The following CNTN3 variants were observed in gnomAD, a reference collection of about 807,000 sequenced individuals.
CNTN3 encodes the protein contactin 3, also known as contactin-3.
Under a neutral mutation model 119.1 loss-of-function variants are expected in CNTN3, and 60 were observed. The ratio of observed to expected loss-of-function variants is 0.50; its 90% confidence interval spans 0.41 to 0.62. CNTN3 has a LOEUF of 0.62. Ranked by LOEUF, CNTN3 falls within the 20% of genes least tolerant of loss-of-function variation. CNTN3 has a pLI of 0.00. For synonymous variants in CNTN3, 450 were observed against 438.7 expected, an observed-to-expected ratio of 1.03 and a Z score of -0.32; for missense variants, 1,101 against 1,242.4, an observed-to-expected ratio of 0.89 and a Z score of 1.71.
chr3:74,560,703 T>G (rs1704139439), intron 1 of CNTN3, among the ~76,000 whole-genome samples: 1 of 152,094 alleles, frequency 6.6e-6, no homozygotes, highest in Admixed American at 6.6e-5. Flanking sequence ...TAAATCATAC[T>G]GCTATAAAGA....
chr3:74,417,934 A>C (rs75907125), intron 5 of CNTN3, among the ~76,000 whole-genome samples: 2,019 of 152,284 alleles, frequency 0.013, 36 homozygotes, highest in African/African-American at 0.046. Flanking sequence ...TTGCCATGAC[A>C]TTCTAACCTA....
chr3:74,446,135 T>C (rs945667466), intron 4 of CNTN3, among the ~76,000 whole-genome samples: 1 of 152,196 alleles, frequency 6.6e-6, no homozygotes, highest in African/African-American at 2.4e-5. Context: ...TGATGCTTAA[T>C]AGTTGTGTAA....
At chr3:74,266,366 T>C in intron 22 of CNTN3, 115 bp downstream of exon 22, 13 of 1,108,214 alleles carry the variant, frequency 1.2e-5, no homozygotes, top group Non-Finnish European at 1.4e-5. Flanking sequence ...CTTACCGGCA[T>C]TTGGATGTAA....
At chr3:74,265,601 A>T (rs1701648448) in intron 22 of CNTN3, among the ~76,000 whole-genome samples, 1 of 152,242 alleles carries the variant, frequency 6.6e-6, no homozygotes, top group East Asian at 1.9e-4. Flanking sequence ...TGTTTGTTTT[A>T]GTCTAAGTAT....
At chr3:74,555,398 G>A (rs914780731) in intron 1 of CNTN3, among the ~76,000 whole-genome samples, 1 of 152,084 alleles carries the variant, frequency 6.6e-6, no homozygotes, top group Non-Finnish European at 1.5e-5. Flanking sequence ...TATCTGTCAG[G>A]CTTTGGTATC....
intron 4 of CNTN3, among the ~76,000 whole-genome samples, chr3:74,467,014 CCA>C (rs1702473890): frequency 6.6e-6 from 1 of 151,970 alleles, no homozygotes; most frequent in Admixed American, 6.6e-5. Flanking sequence ...ATGATATATT[CCA>C]TTTTTTAAAA....
At chr3:74,539,182 G>GA (rs1703806191) in intron 1 of CNTN3, among the ~76,000 whole-genome samples, 1 of 152,188 alleles carries the variant, frequency 6.6e-6, no homozygotes, top group East Asian at 1.9e-4. Flanking sequence ...TGAAGACACT[G>GA]AGATCCAACA....
At chr3:74,401,386 T>C (rs909080550) in intron 5 of CNTN3, among the ~76,000 whole-genome samples, 8 of 152,272 alleles carry the variant, frequency 5.3e-5, no homozygotes, top group East Asian at 3.9e-4. Context: ...ACATTATTTA[T>C]AGAAAATGTT....
chr3:74,556,940 T>C (rs927715537), intron 1 of CNTN3, among the ~76,000 whole-genome samples: 51 of 152,364 alleles, frequency 3.3e-4, no homozygotes, highest in African/African-American at 1.2e-3. Context: ...TATATCTTCC[T>C]TGGAGAAACA....
At chr3:74,604,649 G>C (rs982069412) in intron 1 of CNTN3, among the ~76,000 whole-genome samples, 1 of 152,038 alleles carries the variant, frequency 6.6e-6, no homozygotes, top group Non-Finnish European at 1.5e-5. Context: ...TTATCAAAAA[G>C]ACAAAAGGTA....
chr3:74,500,601 C>T (rs1021476658), intron 2 of CNTN3, among the ~76,000 whole-genome samples: 8 of 148,818 alleles, frequency 5.4e-5, no homozygotes, highest in African/African-American at 1.7e-4. Flanking sequence ...AATGAATAAA[C>T]AGACTAAGAG....
intron 19 of CNTN3, among the ~76,000 whole-genome samples, chr3:74,287,824 T>A (rs909218215): frequency 1.3e-5 from 2 of 152,186 alleles, no homozygotes; most frequent in East Asian, 3.9e-4. Flanking sequence ...GTATGGAATA[T>A]CTTTGCCTAA....
intron 11 of CNTN3, among the ~76,000 whole-genome samples, chr3:74,355,995 T>C (rs556821153): frequency 2.0e-5 from 3 of 152,040 alleles, no homozygotes; most frequent in Non-Finnish European, 1.5e-5. Context: ...GCTCTGAATA[T>C]GTCCCTCCAA....
At chr3:74,540,992 G>A (rs1299740039) in intron 1 of CNTN3, among the ~76,000 whole-genome samples, 1 of 151,916 alleles carries the variant, frequency 6.6e-6, no homozygotes, top group Non-Finnish European at 1.5e-5. Context: ...ATAAAATATA[G>A]AAAACCAAAA....
chr3:74,422,917 G>A (rs1283855695), intron 5 of CNTN3, among the ~76,000 whole-genome samples: 2 of 152,074 alleles, frequency 1.3e-5, no homozygotes, highest in Admixed American at 1.3e-4. Flanking sequence ...ACTGATTCAA[G>A]CCCTCAGCTT....
At chr3:74,447,754 A>G (rs2106940750) in intron 4 of CNTN3, among the ~76,000 whole-genome samples, 1 of 152,288 alleles carries the variant, frequency 6.6e-6, no homozygotes, top group African/African-American at 2.4e-5. Context: ...ATCATCCCTG[A>G]GGTGGAGAGT....
intron 4 of CNTN3, among the ~76,000 whole-genome samples, chr3:74,439,905 T>C (rs992091514): frequency 6.6e-6 from 1 of 152,212 alleles, no homozygotes. Flanking sequence ...ACCTTCTGAA[T>C]CTGGCCAACT....
intron 4 of CNTN3, among the ~76,000 whole-genome samples, chr3:74,458,093 C>T (rs1183913995): frequency 6.6e-6 from 1 of 151,982 alleles, no homozygotes; most frequent in Non-Finnish European, 1.5e-5. Flanking sequence ...CTGTCACCCT[C>T]AGTCAATCTA....
intron 4 of CNTN3, among the ~76,000 whole-genome samples, chr3:74,477,120 G>C (rs1173183962): frequency 6.6e-6 from 1 of 152,094 alleles, no homozygotes; most frequent in Non-Finnish European, 1.5e-5. Context: ...CATGCATTAT[G>C]TGCTAGACAG....
Sources: gnomAD v4.1 joint callset for allele counts (sites outside exome capture counted in the v4.1 genomes callset) on GRCh38, gnomAD v4.1.1 for gene constraint, MANE v1.5 for transcripts, NCBI Gene and HGNC (gene_info 2026-07-23, HGNC 2026-07-21) for gene names.